MTDH: variants seen among roughly 807,000 people sequenced by gnomAD.
MTDH encodes metadherin, also known as protein LYRIC.
MTDH carries 34 observed loss-of-function variants against 72.7 expected under a neutral mutation model. That is an observed-to-expected ratio of 0.47 (90% CI 0.36 to 0.62). MTDH has a LOEUF of 0.62. MTDH is among the 20% of genes least tolerant of loss of function. MTDH has a pLI of 0.00. For synonymous variants in MTDH, 266 were observed against 268.9 expected (o/e 0.99, Z 0.10); for missense variants, 677 against 699.4 (o/e 0.97, Z 0.36).
chr8:97,657,861 G>A (rs1161824796), intron 1 of MTDH, among the ~76,000 whole-genome samples: 1 of 152,088 alleles, frequency 6.6e-6, no homozygotes, highest in Non-Finnish European at 1.5e-5. Flanking sequence ...TAGACACATT[G>A]GATTTGAAGT....
intron 1 of MTDH, among the ~76,000 whole-genome samples, chr8:97,650,915 G>A (rs1277100841): frequency 3.3e-5 from 5 of 152,206 alleles, no homozygotes; most frequent in Admixed American, 2.0e-4. Flanking sequence ...GTTTAGATTA[G>A]AATGGTCTAA....
At chr8:97,719,350 G>A (rs112974999) in intron 10 of MTDH, among the ~76,000 whole-genome samples, 161 bp downstream of exon 10, 5,738 of 151,812 alleles carry the variant, frequency 0.038, 376 homozygotes, top group African/African-American at 0.13. Flanking sequence ...AAAATTAGCC[G>A]GGCACGGTGA....
At chr8:97,703,487 A>ATTGCC (rs1814221144) in intron 7 of MTDH, among the ~76,000 whole-genome samples, 1 of 152,202 alleles carries the variant, frequency 6.6e-6, no homozygotes, top group East Asian at 1.9e-4. Context: ...CTTCTGCTTA[A>ATTGCC]TAGTTTCTTT....
intron 2 of MTDH, among the ~76,000 whole-genome samples, chr8:97,684,937 G>T (rs1161384745): frequency 7.2e-5 from 11 of 152,100 alleles, no homozygotes; most frequent in Non-Finnish European, 1.3e-4. Flanking sequence ...GTGGTGGTGG[G>T]CACCTGTAAT....
At chr8:97,688,989 C>T (rs1813476771) in intron 4 of MTDH, 49 bp from the exon 5 acceptor site, 3 of 901,092 alleles carry the variant, frequency 3.3e-6, no homozygotes, top group Non-Finnish European at 3.4e-6. Flanking sequence ...ATTTAATGTG[C>T]ATAGTGCCCT....
At position 97,721,439 on chromosome 8, in the gene MTDH, T is replaced by TCA. The variant is rs371480647; in HGVS notation, c.1522-1425_1522-1424dup. ...GCCTGGGTGACAGAGTGAGACCCTGTCACACACACACACACAAATACAACT... is the reference window on the plus strand; with the variant it reads ...GCCTGGGTGACAGAGTGAGACCCTGTCACACACACACACACACAAATACAACT... On this transcript the variant is annotated intron_variant, in intron 10 of 11. Transcript: ENST00000336273. Among the ~76,000 whole-genome samples, 514 of 151,318 alleles carry TCA rather than the reference T, an allele frequency of 3.4e-3. 3 individuals are homozygous for TCA. Among genetic ancestry groups the TCA allele is most frequent in the African/African-American group, 0.011 (469 of 41,284 alleles).
Position 97,705,128 on chromosome 8 carries a change from T to C in MTDH, c.1148-1498T>C, listed in dbSNP as rs1317184023. Among the ~76,000 whole-genome samples the C allele has an allele frequency of 3.8e-4, 51 of 135,424 alleles. No individual in the cohort carries two copies. The Middle Eastern group carries it at 0.015, about 39-fold the overall frequency. The allele number at this position is 135,424 out of a possible 152,430, so 88.8% of individuals were successfully genotyped here. On this transcript the variant is annotated intron_variant, in intron 7 of 11. Transcript: ENST00000336273. ...CCTGACCAACATGGTGAAACCCTGT[T>C]TCTACTAAAAATACAAAAATTAGCC...
At chr8:97,673,176 C>A (rs1812699950) in intron 2 of MTDH, among the ~76,000 whole-genome samples, 1 of 152,076 alleles carries the variant, frequency 6.6e-6, no homozygotes, top group Non-Finnish European at 1.5e-5. Flanking sequence ...GTCGGGAAAA[C>A]AACTAAAAAT....
rs1171192381 is a variant in MTDH, at chr8:97,728,271, A to G, written c.*3601A>G. Reference sequence around the variant, plus strand: ...AAAACAAACCATTTTTGATTTGTTTAAATTGCTCGTTACAGTTCTCTTGTG... The same window carrying G: ...AAAACAAACCATTTTTGATTTGTTTGAATTGCTCGTTACAGTTCTCTTGTG... On this transcript the variant is annotated 3_prime_UTR_variant, in exon 12 of 12. Transcript: ENST00000336273. 1 of 152,216 alleles carries G rather than the reference A, an allele frequency of 6.6e-6. No homozygotes were observed. The highest frequency in any genetic ancestry group is 1.9e-4 in the East Asian group (1 of 5,200). 9.4% of individuals were successfully genotyped at this position (152,216 alleles called of 1,614,324 possible).
At chr8:97,678,594 CTTT>C (rs35895126) in intron 2 of MTDH, among the ~76,000 whole-genome samples, 2 of 85,322 alleles carry the variant, frequency 2.3e-5, no homozygotes, top group East Asian at 4.1e-4. Flanking sequence ...TTCCTTCCTT[CTTT>C]TTTTTTTTTT....
At chr8:97,650,836 C>T (rs186125467) in intron 1 of MTDH, among the ~76,000 whole-genome samples, 3 of 151,868 alleles carry the variant, frequency 2.0e-5, no homozygotes, top group Non-Finnish European at 4.4e-5. Context: ...CTCAAGCGAT[C>T]CTCCCACCTC....
In MTDH at chr8:97,713,623, C is replaced by T. The variant is rs767847656; in HGVS notation, c.1273-39C>T. On this transcript the variant is annotated intron_variant, in intron 8 of 11. Coordinates refer to ENST00000336273, the MANE Select transcript of MTDH (RefSeq NM_178812.4). ...AATTTTCTAAATAATGGACACATAA[C>T]CATTTGGTTCTCTTTAATATTTTTG... The T allele has an allele frequency of 6.0e-6, 7 of 1,164,056 alleles. 1 individual carries two copies. In the South Asian group the frequency reaches 8.7e-5, roughly 14 times the overall value. 72.1% of individuals were successfully genotyped at this position (1,164,056 alleles called of 1,614,324 possible).
intron 7 of MTDH, among the ~76,000 whole-genome samples, chr8:97,702,142 T>A (rs1814156628): frequency 6.6e-6 from 1 of 152,198 alleles, no homozygotes; most frequent in South Asian, 2.1e-4. Context: ...ATGATATAAT[T>A]AACATATTGG....
intron 9 of MTDH, among the ~76,000 whole-genome samples, chr8:97,714,469 T>C (rs1814768456): frequency 6.8e-6 from 1 of 147,656 alleles, no homozygotes; most frequent in Non-Finnish European, 1.5e-5. Flanking sequence ...CTAGGCACGG[T>C]GGCATACGCT....
chr8:97,704,813 A>G (rs1814281852), intron 7 of MTDH, among the ~76,000 whole-genome samples: 1 of 152,196 alleles, frequency 6.6e-6, no homozygotes, highest in Non-Finnish European at 1.5e-5. Flanking sequence ...CTGTTAAACA[A>G]AAACAATAAT....
chr8:97,717,812 C>T lies in MTDH; in HGVS notation c.1381-1237C>T, dbSNP rs575779002. Among the ~76,000 whole-genome samples, 6 of 150,476 alleles carry T rather than the reference C, an allele frequency of 4.0e-5. No homozygotes were observed. The East Asian group carries it at 7.9e-4, about 20-fold the overall frequency. On this transcript the variant is annotated intron_variant, in intron 9 of 11. Coordinates refer to ENST00000336273, the MANE Select transcript of MTDH (RefSeq NM_178812.4). ...TCACCCAGGCTGGAGTGCAGTGGCA[C>T]GATCTTGGCTCACTGCAACCTTCAT...
chr8:97,712,183 G>A (rs935558858), intron 8 of MTDH, among the ~76,000 whole-genome samples: 1 of 152,010 alleles, frequency 6.6e-6, no homozygotes, highest in Non-Finnish European at 1.5e-5. Context: ...GATTACAGGC[G>A]CATGCCACCA....
chr8:97,680,263 A>G (rs1035130934), intron 2 of MTDH, among the ~76,000 whole-genome samples: 7 of 152,132 alleles, frequency 4.6e-5, no homozygotes, highest in African/African-American at 1.7e-4. Context: ...GTAGAGACAC[A>G]GTTTTGCCGT....
chr8:97,655,090 C>A (rs770525537), intron 1 of MTDH, among the ~76,000 whole-genome samples: 1 of 152,170 alleles, frequency 6.6e-6, no homozygotes, highest in Non-Finnish European at 1.5e-5. Context: ...CAGAGCCAGA[C>A]CCTGTCTCAA....
Sources: allele counts gnomAD v4.1 joint callset (sites outside exome capture counted in the v4.1 genomes callset), GRCh38; gene constraint gnomAD v4.1.1; transcripts MANE v1.5; gene names NCBI Gene and HGNC (gene_info 2026-07-23, HGNC 2026-07-21).